The following MYLK4 variants were observed in gnomAD, a reference collection of about 807,000 sequenced individuals.
MYLK4 encodes the protein caMLCK like.
MYLK4 carries 46 observed loss-of-function variants against 48.1 expected under a neutral mutation model. That is an observed-to-expected ratio of 0.96 (90% CI 0.75 to 1.22). The LOEUF (loss-of-function observed/expected upper bound fraction) is 1.22. MYLK4 is among the 50% of genes most tolerant of loss of function. MYLK4 has a pLI of 0.00. For synonymous variants in MYLK4, 170 were observed against 180.8 expected (o/e 0.94, Z 0.48); for missense variants, 451 against 486.1 (o/e 0.93, Z 0.68).
chr6:2,769,837 T>C, the MYLK4 span, among the ~76,000 whole-genome samples: 1 of 152,200 alleles, frequency 6.6e-6, no homozygotes, highest in Admixed American at 6.5e-5. Flanking sequence ...AGTAAAGAAA[T>C]CATTTATGTT....
At chr6:2,725,589 A>AAGAAATAGAAAG (rs1561868170) in intron 2 of MYLK4, among the ~76,000 whole-genome samples, 1 of 145,148 alleles carries the variant, frequency 6.9e-6, no homozygotes, top group Non-Finnish European at 1.5e-5. Context: ...AAGAAAGAGA[A>AAGAAATAGAAAG]AGAAAGAAAG....
At chr6:2,675,490 CAAT>C (rs1582026548) in intron 10 of MYLK4, among the ~76,000 whole-genome samples, 1 of 152,262 alleles carries the variant, frequency 6.6e-6, no homozygotes, top group East Asian at 1.9e-4. Context: ...CAAAATGCTA[CAAT>C]GATTCTTGAT....
At chr6:2,697,817 C>T (rs1256902361) in intron 2 of MYLK4, among the ~76,000 whole-genome samples, 3 of 152,216 alleles carry the variant, frequency 2.0e-5, no homozygotes, top group African/African-American at 7.2e-5. Context: ...GGCATACGGA[C>T]CCTTCTCTTC....
chr6:2,709,722 G>A (rs534616674), intron 2 of MYLK4, among the ~76,000 whole-genome samples: 3 of 152,308 alleles, frequency 2.0e-5, no homozygotes, highest in South Asian at 2.1e-4. Flanking sequence ...GCTAATGTAC[G>A]ATCTCTCTAA....
At chr6:2,769,114 A>G in the MYLK4 span, among the ~76,000 whole-genome samples, 1 of 152,236 alleles carries the variant, frequency 6.6e-6, no homozygotes, top group South Asian at 2.1e-4. Context: ...CCTGAGCTAT[A>G]CGTATCAGAA....
intron 2 of MYLK4, among the ~76,000 whole-genome samples, chr6:2,747,438 C>A (rs1396274270): frequency 1.3e-5 from 2 of 152,066 alleles, no homozygotes; most frequent in African/African-American, 4.8e-5. Flanking sequence ...CTTGAACTCC[C>A]GGGCTCAAGC....
intron 2 of MYLK4, among the ~76,000 whole-genome samples, chr6:2,742,155 A>G (rs1190017988): frequency 6.6e-6 from 1 of 152,208 alleles, no homozygotes; most frequent in Non-Finnish European, 1.5e-5. Context: ...CAGATGATTG[A>G]CAAGCCATTC....
chr6:2,678,176 T>C, intron 10 of MYLK4, 44 bp downstream of exon 10: 2 of 1,598,874 alleles, frequency 1.3e-6, no homozygotes, highest in Non-Finnish European at 1.7e-6. Context: ...CCTGCTTCCT[T>C]ATCATCCCTA....
At chr6:2,694,413 C>T (rs1761935458) in intron 2 of MYLK4, among the ~76,000 whole-genome samples, 1 of 145,774 alleles carries the variant, frequency 6.9e-6, no homozygotes, top group African/African-American at 2.6e-5. Flanking sequence ...GGCAAAAAGA[C>T]TGGTTCATCT....
intron 11 of MYLK4, among the ~76,000 whole-genome samples, chr6:2,671,897 C>T (rs529414908): frequency 2.0e-5 from 3 of 152,182 alleles, no homozygotes; most frequent in African/African-American, 2.4e-5. Context: ...GCAGTGAAGA[C>T]GAGACTCAAA....
chr6:2,748,580 A>G (rs142495573), intron 2 of MYLK4, among the ~76,000 whole-genome samples: 159 of 152,336 alleles, frequency 1.0e-3, no homozygotes, highest in Non-Finnish European at 1.5e-3. Context: ...TATCTCACTA[A>G]TTCAGATGTG....
Position 2,664,307 on chromosome 6 carries a change from G to A in MYLK4, c.*3618C>T, listed in dbSNP as rs1408603983. 1 of 152,286 alleles carries A rather than the reference G, an allele frequency of 6.6e-6. No individual in the cohort carries two copies. Among genetic ancestry groups the A allele is most frequent in the Admixed American group, 6.5e-5 (1 of 15,290 alleles). 9.4% of individuals were successfully genotyped at this position (152,286 alleles called of 1,614,324 possible). On this transcript the variant is annotated 3_prime_UTR_variant, in exon 13 of 13. Transcript: ENST00000274643. The stretch of plus-strand genomic sequence containing the variant: ...CTTTGTGGATATTGGGAAGTAGGCC[G>A]TGGTGATGCTGCAGCACACAGGGAT...
In MYLK4 at chr6:2,675,164, C is replaced by T. The variant is rs371391198; in HGVS notation, c.1041-39G>A. On this transcript the variant is annotated intron_variant, in intron 10 of 12. Coordinates refer to ENST00000274643, the MANE Select transcript of MYLK4 (RefSeq NM_001012418.5). Reference sequence around the variant, plus strand: ...CAGAAGGTGATTAGTAGAAACACACCGAAGAAGGCCTGTATCTGCTGTTCA... The same window carrying T: ...CAGAAGGTGATTAGTAGAAACACACTGAAGAAGGCCTGTATCTGCTGTTCA... 2.4e-4 allele frequency: 353 copies of T among 1,454,556 alleles called. 1 individual carries two copies. The highest frequency in any genetic ancestry group is 3.1e-4 in the Non-Finnish European group (320 of 1,035,794). 90.1% of individuals were successfully genotyped at this position (1,454,556 alleles called of 1,614,324 possible).
At position 2,671,301 on chromosome 6, in the gene MYLK4, C is replaced by T; in HGVS notation, c.1167G>A (p.Ter389=). 1 of 1,614,020 alleles carries T rather than the reference C, an allele frequency of 6.2e-7. No homozygotes were observed. The highest frequency in any genetic ancestry group is 8.5e-7 in the Non-Finnish European group (1 of 1,179,952). Residue 389 remains the stop codon, a stop_retained_variant, in exon 12 of 13, where the codon TAG becomes TAA. Transcript: ENST00000274643. The part of the protein sequence containing the change: ...GSDAQDFVTK[*] Reference sequence around the variant, plus strand: ...CTTCCAAATGGCTGCCTCCTGTAGACTATTTGGTCACAAAGTCCTGGGCAT... The same window carrying T: ...CTTCCAAATGGCTGCCTCCTGTAGATTATTTGGTCACAAAGTCCTGGGCAT...
At chr6:2,703,395 A>G (rs1389758572) in intron 2 of MYLK4, among the ~76,000 whole-genome samples, 1 of 152,236 alleles carries the variant, frequency 6.6e-6, no homozygotes, top group Non-Finnish European at 1.5e-5. Context: ...TCAAGGAGAG[A>G]GCAATGGACA....
At chr6:2,743,730 G>T (rs145517468) in intron 2 of MYLK4, among the ~76,000 whole-genome samples, 1 of 152,294 alleles carries the variant, frequency 6.6e-6, no homozygotes, top group African/African-American at 2.4e-5. Context: ...GCAAGTGTTT[G>T]AAATGTGCCA....
At chr6:2,745,976 G>T (rs942667232) in intron 2 of MYLK4, among the ~76,000 whole-genome samples, 1 of 150,974 alleles carries the variant, frequency 6.6e-6, no homozygotes, top group Non-Finnish European at 1.5e-5. Context: ...AACAAGGCCG[G>T]GCACGGTGGC....
At chr6:2,730,443 G>T (rs1266158091) in intron 2 of MYLK4, among the ~76,000 whole-genome samples, 2 of 152,224 alleles carry the variant, frequency 1.3e-5, no homozygotes, top group Admixed American at 1.3e-4. Flanking sequence ...ATGAGGGGCT[G>T]TAAGTAGCCA....
rs77991536 is a variant in MYLK4 at position 2,671,510 on chromosome 6, C to T, written c.1120-162G>A. 4.5e-3 allele frequency among the ~76,000 whole-genome samples: 686 copies of T among 152,242 alleles called. 3 individuals carry two copies. The highest frequency in any genetic ancestry group is 0.015 in the African/African-American group (625 of 41,556). On this transcript the variant is annotated intron_variant, in intron 11 of 12. Coordinates refer to ENST00000274643, the MANE Select transcript of MYLK4 (RefSeq NM_001012418.5). ...CCCGACAACCCCCTGGCAGACACAC[C>T]GGCCAACCTCAGAGTCCATCTCAGA... is the stretch of plus-strand genomic sequence containing the variant.
Sources: allele counts gnomAD v4.1 joint callset (sites outside exome capture counted in the v4.1 genomes callset), GRCh38; gene constraint gnomAD v4.1.1; transcripts MANE v1.5; gene names NCBI Gene and HGNC (gene_info 2026-07-23, HGNC 2026-07-21).